The following ARL15 variants were observed in gnomAD, a reference collection of about 807,000 sequenced individuals.
The protein encoded by ARL15 is ARF like GTPase 15.
A neutral mutation model predicts 25.2 loss-of-function variants in ARL15; 19 were observed. The observed-to-expected ratio is 0.75, with a 90% CI of 0.53 to 1.10. ARL15 has a LOEUF of 1.10. ARL15 is among the 50% of genes least tolerant of loss of function. ARL15 has a pLI of 0.00. For missense variants in ARL15, 220 were observed against 246.0 expected (o/e 0.89, Z 0.71); for synonymous variants, 94 against 86.8 (o/e 1.08, Z -0.46).
At chr5:54,002,553 CAGAG>C (rs1748881327) in intron 4 of ARL15, among the ~76,000 whole-genome samples, 1 of 152,124 alleles carries the variant, frequency 6.6e-6, no homozygotes, top group Admixed American at 6.5e-5. Flanking sequence ...GTAATCAAGA[CAGAG>C]AGAGCATACT....
intron 4 of ARL15, among the ~76,000 whole-genome samples, chr5:54,057,049 A>G (rs1056592015): frequency 2.0e-5 from 3 of 148,570 alleles, no homozygotes; most frequent in African/African-American, 7.7e-5. Flanking sequence ...AGAAAGAAAA[A>G]TGTATAGTCT....
intron 4 of ARL15, among the ~76,000 whole-genome samples, chr5:54,081,911 G>C (rs927066067): frequency 6.6e-6 from 1 of 151,880 alleles, no homozygotes; most frequent in Non-Finnish European, 1.5e-5. Context: ...GGCCAACATA[G>C]CGAAACCCCG....
chr5:54,166,956 A>G (rs1754591014), intron 2 of ARL15, among the ~76,000 whole-genome samples: 1 of 117,894 alleles, frequency 8.5e-6, no homozygotes, highest in Admixed American at 8.0e-5. Flanking sequence ...GCTGAGATGC[A>G]TTACATTACC....
At chr5:53,894,194 C>T (rs1233786022) in intron 4 of ARL15, among the ~76,000 whole-genome samples, 2 of 152,202 alleles carry the variant, frequency 1.3e-5, no homozygotes, top group African/African-American at 2.4e-5. Flanking sequence ...TACTAAAGTT[C>T]AGTGCAGCCT....
At chr5:54,214,611 A>G (rs1304728139) in intron 1 of ARL15, among the ~76,000 whole-genome samples, 1 of 152,110 alleles carries the variant, frequency 6.6e-6, no homozygotes, top group Non-Finnish European at 1.5e-5. Context: ...ATTACACGAA[A>G]ATGTGTGAAA....
intron 1 of ARL15, among the ~76,000 whole-genome samples, chr5:54,196,521 G>A (rs1041171938): frequency 6.6e-6 from 1 of 152,064 alleles, no homozygotes; most frequent in Non-Finnish European, 1.5e-5. Flanking sequence ...TAGTTATAAT[G>A]TAAAATACTT....
At chr5:54,015,956 T>G (rs1049679781) in intron 4 of ARL15, among the ~76,000 whole-genome samples, 4 of 152,224 alleles carry the variant, frequency 2.6e-5, no homozygotes, top group Non-Finnish European at 4.4e-5. Flanking sequence ...ACAACTTTTA[T>G]TCACCATACA....
chr5:54,060,148 A>G (rs1032899839), intron 4 of ARL15, among the ~76,000 whole-genome samples: 1 of 150,826 alleles, frequency 6.6e-6, no homozygotes, highest in Non-Finnish European at 1.5e-5. Context: ...AAAAAAAAAA[A>G]AAAACCCCGG....
chr5:53,979,829 T>TTGTGTGTGTGTGTGTGTG (rs70986653), intron 4 of ARL15, among the ~76,000 whole-genome samples: 1 of 143,070 alleles, frequency 7.0e-6, no homozygotes, highest in Non-Finnish European at 1.5e-5. Flanking sequence ...TTAAAGTCTT[T>TTGTGTGTGTGTGTGTGTG]TGTGTGTGTG....
intron 1 of ARL15, among the ~76,000 whole-genome samples, chr5:54,240,604 G>A (rs1240164594): frequency 1.3e-5 from 2 of 152,082 alleles, no homozygotes; most frequent in African/African-American, 4.8e-5. Flanking sequence ...GGAAGTTTCT[G>A]GTTCACCATC....
intron 4 of ARL15, among the ~76,000 whole-genome samples, chr5:54,003,239 A>C (rs1299976427): frequency 1.3e-5 from 2 of 152,224 alleles, no homozygotes; most frequent in Non-Finnish European, 1.5e-5. Context: ...CTGAAGACTT[A>C]TCTAACAGTG....
At chr5:54,202,007 TA>T in intron 1 of ARL15, among the ~76,000 whole-genome samples, 1 of 151,986 alleles carries the variant, frequency 6.6e-6, no homozygotes, top group Non-Finnish European at 1.5e-5. Flanking sequence ...CCAACTAGAG[TA>T]TATGGCACAA....
intron 4 of ARL15, among the ~76,000 whole-genome samples, chr5:53,920,178 C>G (rs1266690196): frequency 1.3e-5 from 2 of 152,126 alleles, no homozygotes; most frequent in African/African-American, 4.8e-5. Context: ...ACCTTCATAA[C>G]TTTTGGGGGT....
At chr5:54,272,107 CT>C (rs34592464) in intron 1 of ARL15, among the ~76,000 whole-genome samples, 105 of 36,776 alleles carry the variant, frequency 2.9e-3, no homozygotes, top group African/African-American at 7.2e-3. Context: ...CCACTCCTGG[CT>C]TTTTTTTTTT....
chr5:54,225,916 G>A (rs1279885480), intron 1 of ARL15, among the ~76,000 whole-genome samples: 6 of 152,202 alleles, frequency 3.9e-5, no homozygotes, highest in African/African-American at 9.7e-5. Context: ...GAAAGCTGAT[G>A]GAAATGGGAC....
At chr5:54,191,011 G>C (rs1374010121) in intron 1 of ARL15, among the ~76,000 whole-genome samples, 1 of 152,172 alleles carries the variant, frequency 6.6e-6, no homozygotes, top group Non-Finnish European at 1.5e-5. Flanking sequence ...GTACACTCAT[G>C]TTCATAGCAA....
intron 4 of ARL15, among the ~76,000 whole-genome samples, chr5:54,068,870 T>C (rs1751327637): frequency 6.6e-6 from 1 of 152,232 alleles, no homozygotes; most frequent in Non-Finnish European, 1.5e-5. Flanking sequence ...CTTGACTTCT[T>C]AGCTCAGCTC....
intron 4 of ARL15, among the ~76,000 whole-genome samples, chr5:53,938,377 A>C (rs1017336786): frequency 2.0e-5 from 3 of 152,218 alleles, no homozygotes; most frequent in African/African-American, 7.2e-5. Flanking sequence ...GTCTGGATAA[A>C]TATTTTTACT....
chr5:54,133,763 A>T (rs1753511024), intron 3 of ARL15, among the ~76,000 whole-genome samples: 1 of 152,190 alleles, frequency 6.6e-6, no homozygotes, highest in Non-Finnish European at 1.5e-5. Context: ...TCAACCTAAC[A>T]ATTGGAAGAA....
Sources: allele counts gnomAD v4.1 joint callset (sites outside exome capture counted in the v4.1 genomes callset), GRCh38; gene constraint gnomAD v4.1.1; transcripts MANE v1.5; gene names NCBI Gene and HGNC (gene_info 2026-07-23, HGNC 2026-07-21).